CSMD3: variants seen among roughly 807,000 people sequenced by gnomAD.
CSMD3 encodes CUB and sushi domain-containing protein 3.
Under a neutral mutation model 435.2 loss-of-function variants are expected in CSMD3, and 177 were observed. That is an observed-to-expected ratio of 0.41 (90% CI 0.36 to 0.46). The LOEUF (loss-of-function observed/expected upper bound fraction) is 0.46. CSMD3 is among the 20% of genes least tolerant of loss of function. The pLI is 0.34. For synonymous variants in CSMD3, 1,656 were observed against 1,520.5 expected, an observed-to-expected ratio of 1.09 and a Z score of -2.07; for missense variants, 4,265 against 4,504.6, an observed-to-expected ratio of 0.95 and a Z score of 1.52.
At chr8:113,183,144 A>T (rs114447647) in intron 3 of CSMD3, among the ~76,000 whole-genome samples, 91 of 151,944 alleles carry the variant, frequency 6.0e-4, no homozygotes, top group African/African-American at 2.2e-3. Flanking sequence ...GTCCCCTGGC[A>T]TTTTCTTCTG....
intron 11 of CSMD3, among the ~76,000 whole-genome samples, chr8:112,846,737 A>T (rs1356361647): frequency 6.6e-6 from 1 of 151,682 alleles, no homozygotes; most frequent in Non-Finnish European, 1.5e-5. Context: ...TTATTTATTT[A>T]TATTTATTGA....
intron 1 of CSMD3, among the ~76,000 whole-genome samples, chr8:113,322,724 A>G (rs1727184857): frequency 6.6e-6 from 1 of 152,128 alleles, no homozygotes; most frequent in South Asian, 2.1e-4. Flanking sequence ...TGAAAATATT[A>G]TTATGAAAAC....
At chr8:112,604,846 A>G (rs1832668197) in intron 22 of CSMD3, among the ~76,000 whole-genome samples, 1 of 152,166 alleles carries the variant, frequency 6.6e-6, no homozygotes, top group Non-Finnish European at 1.5e-5. Context: ...GAGTAAACAG[A>G]CAACCGACAG....
At chr8:112,399,396 G>A (rs557140146) in intron 35 of CSMD3, among the ~76,000 whole-genome samples, 25 of 151,684 alleles carry the variant, frequency 1.6e-4, no homozygotes, top group Middle Eastern at 3.4e-3. Flanking sequence ...GAGTAGTTAA[G>A]ACTATAGGTG....
chr8:112,514,159 C>T (rs1333378746), intron 28 of CSMD3, among the ~76,000 whole-genome samples: 5 of 152,092 alleles, frequency 3.3e-5, no homozygotes, highest in African/African-American at 1.2e-4. Flanking sequence ...TCCTGAGTAG[C>T]TGGGAACACA....
At chr8:112,405,493 C>T (rs969460564) in intron 35 of CSMD3, among the ~76,000 whole-genome samples, 5 of 151,122 alleles carry the variant, frequency 3.3e-5, no homozygotes, top group Non-Finnish European at 7.4e-5. Context: ...AGCCAAGCGT[C>T]ATTATAATTA....
chr8:112,409,168 A>T, intron 32 of CSMD3, 136 bp from the exon 33 acceptor site: 1 of 1,480,484 alleles, frequency 6.8e-7, no homozygotes, highest in Non-Finnish European at 9.1e-7. Context: ...TCTACCTAAA[A>T]GAGGATAGGT....
At chr8:113,005,200 C>T (rs539046240) in intron 6 of CSMD3, among the ~76,000 whole-genome samples, 34 of 151,928 alleles carry the variant, frequency 2.2e-4, no homozygotes, top group African/African-American at 8.2e-4. Context: ...AAGGACAAAT[C>T]ATTCGTTTTC....
intron 4 of CSMD3, among the ~76,000 whole-genome samples, chr8:113,106,405 T>C (rs1173832985): frequency 6.6e-6 from 1 of 152,008 alleles, no homozygotes; most frequent in East Asian, 1.9e-4. Context: ...CACATGGCAA[T>C]AGAAACTATT....
chr8:112,452,333 T>A (rs547920762), intron 32 of CSMD3, among the ~76,000 whole-genome samples: 94 of 152,280 alleles, frequency 6.2e-4, no homozygotes, highest in Admixed American at 1.2e-3. Flanking sequence ...GTCCTGAAAA[T>A]ATGAGGATCC....
At chr8:112,888,743 C>T (rs2081687266) in intron 10 of CSMD3, among the ~76,000 whole-genome samples, 2 of 151,584 alleles carry the variant, frequency 1.3e-5, no homozygotes, top group South Asian at 2.1e-4. Flanking sequence ...TTTCTGTTAG[C>T]GCCTGTGTAA....
At chr8:112,418,867 A>C (rs1337869473) in intron 32 of CSMD3, among the ~76,000 whole-genome samples, 2 of 152,202 alleles carry the variant, frequency 1.3e-5, no homozygotes, top group African/African-American at 2.4e-5. Context: ...TTTCACACCC[A>C]ATGTCATGTG....
intron 6 of CSMD3, among the ~76,000 whole-genome samples, chr8:113,002,275 G>A (rs1475736657): frequency 6.6e-6 from 1 of 152,028 alleles, no homozygotes; most frequent in Non-Finnish European, 1.5e-5. Context: ...TTTTTCCAAA[G>A]TATGCACTCA....
intron 5 of CSMD3, among the ~76,000 whole-genome samples, chr8:113,086,738 A>G (rs2089796550): frequency 6.6e-6 from 1 of 152,106 alleles, no homozygotes; most frequent in Non-Finnish European, 1.5e-5. Flanking sequence ...AAAGTATGAT[A>G]TTTTATTGGT....
chr8:112,706,726 C>A (rs1287981151), intron 13 of CSMD3, among the ~76,000 whole-genome samples: 5 of 152,000 alleles, frequency 3.3e-5, no homozygotes, highest in Non-Finnish European at 7.4e-5. Flanking sequence ...GGAGAGAAAA[C>A]CATTCTGGCT....
intron 4 of CSMD3, among the ~76,000 whole-genome samples, chr8:113,157,427 A>T (rs1019690837): frequency 1.5e-5 from 2 of 133,286 alleles, no homozygotes; most frequent in Admixed American, 1.4e-4. Flanking sequence ...GCAAAATCTC[A>T]TAACAGTCTC....
At chr8:113,194,515 A>G (rs2092628689) in intron 3 of CSMD3, among the ~76,000 whole-genome samples, 1 of 151,336 alleles carries the variant, frequency 6.6e-6, no homozygotes, top group African/African-American at 2.4e-5. Flanking sequence ...AATGTATGAC[A>G]CCAAGAGTAA....
intron 1 of CSMD3, among the ~76,000 whole-genome samples, chr8:113,355,424 A>G (rs1247910349): frequency 6.6e-6 from 1 of 152,058 alleles, no homozygotes; most frequent in Non-Finnish European, 1.5e-5. Context: ...CAAGGTATCA[A>G]GATGCCAGAA....
At chr8:112,257,074 C>A (rs930814382) in intron 61 of CSMD3, among the ~76,000 whole-genome samples, 4 of 152,124 alleles carry the variant, frequency 2.6e-5, no homozygotes, top group African/African-American at 9.7e-5. Flanking sequence ...CTTTTAGTAG[C>A]ATTTAAAACT....
Sources: allele counts gnomAD v4.1 joint callset (sites outside exome capture counted in the v4.1 genomes callset), GRCh38; gene constraint gnomAD v4.1.1; transcripts MANE v1.5; gene names NCBI Gene and HGNC (gene_info 2026-07-23, HGNC 2026-07-21).